ZBTB20: variants seen among roughly 807,000 people sequenced by gnomAD.
ZBTB20 encodes zinc finger and BTB domain containing 20.
Under a neutral mutation model 56.9 loss-of-function variants are expected in ZBTB20, and 9 were observed. The ratio of observed to expected loss-of-function variants is 0.16; its 90% CI spans 0.10 to 0.28. The LOEUF (loss-of-function observed/expected upper bound fraction) is 0.28, where lower values mean the gene tolerates loss of function less well. Among genes scored for constraint, ZBTB20 ranks in the 10% least tolerant of loss-of-function variants. The pLI is 1.00. For synonymous variants in ZBTB20, 417 were observed against 420.7 expected (o/e 0.99, Z 0.11); for missense variants, 655 against 1,003.0 (o/e 0.65, Z 4.69).
chr3:114,676,275 T>A (rs903007062), intron 6 of ZBTB20, among the ~76,000 whole-genome samples: 4 of 152,226 alleles, frequency 2.6e-5, no homozygotes, highest in African/African-American at 4.8e-5. Context: ...CTCTGGAGTC[T>A]AATATGAGGG....
intron 7 of ZBTB20, among the ~76,000 whole-genome samples, chr3:114,394,266 C>A (rs770175618): frequency 6.6e-6 from 1 of 152,124 alleles, no homozygotes; most frequent in African/African-American, 2.4e-5. Flanking sequence ...CGTAACAGGT[C>A]GAAGTTTAGA....
intron 7 of ZBTB20, among the ~76,000 whole-genome samples, chr3:114,428,452 G>A (rs1426948100): frequency 6.6e-6 from 1 of 152,226 alleles, no homozygotes; most frequent in Non-Finnish European, 1.5e-5. Flanking sequence ...AAGAGGAAGT[G>A]CCCTGAAGGG....
chr3:114,632,455 T>C (rs1369946535), intron 6 of ZBTB20, among the ~76,000 whole-genome samples: 2 of 152,190 alleles, frequency 1.3e-5, no homozygotes, highest in African/African-American at 4.8e-5. Context: ...TTTATTTTAG[T>C]TTGCCCTTCT....
intron 1 of ZBTB20, among the ~76,000 whole-genome samples, chr3:115,144,510 A>C (rs903080128): frequency 3.9e-5 from 6 of 152,174 alleles, no homozygotes; most frequent in African/African-American, 1.4e-4. Context: ...GGCCTCAAAA[A>C]CTTTCTGATC....
At chr3:114,554,734 C>G (rs1315132668) in intron 6 of ZBTB20, among the ~76,000 whole-genome samples, 2 of 152,068 alleles carry the variant, frequency 1.3e-5, no homozygotes, top group African/African-American at 4.8e-5. Flanking sequence ...AGTTTGCTTA[C>G]ATATAAATTA....
chr3:115,103,641 C>T (rs569835827), intron 1 of ZBTB20, among the ~76,000 whole-genome samples: 2 of 152,278 alleles, frequency 1.3e-5, no homozygotes, highest in South Asian at 2.1e-4. Context: ...AACGACTGGA[C>T]GTCTACATGC....
At chr3:114,498,692 C>T (rs2043576909) in intron 7 of ZBTB20, among the ~76,000 whole-genome samples, 1 of 152,194 alleles carries the variant, frequency 6.6e-6, no homozygotes, top group African/African-American at 2.4e-5. Flanking sequence ...CTCCCCCAGC[C>T]TTATGTGTGG....
chr3:114,510,382 C>T (rs529457475), intron 6 of ZBTB20, among the ~76,000 whole-genome samples: 23 of 152,192 alleles, frequency 1.5e-4, no homozygotes, highest in African/African-American at 5.3e-4. Context: ...TCTGAAGGTT[C>T]ATGGGCTTTC....
chr3:115,047,632 C>A (rs1420969647), intron 2 of ZBTB20, among the ~76,000 whole-genome samples: 2 of 152,028 alleles, frequency 1.3e-5, no homozygotes, highest in African/African-American at 4.8e-5. Flanking sequence ...ATGAATAATG[C>A]AAAATTTAAT....
At chr3:115,065,600 C>T (rs1051444768) in intron 2 of ZBTB20, among the ~76,000 whole-genome samples, 3 of 152,140 alleles carry the variant, frequency 2.0e-5, no homozygotes, top group African/African-American at 4.8e-5. Context: ...CGAAGTTTAA[C>T]TGGAAGTCTG....
At chr3:114,702,839 A>C (rs1560146491) in intron 5 of ZBTB20, among the ~76,000 whole-genome samples, 1 of 152,234 alleles carries the variant, frequency 6.6e-6, no homozygotes, top group Non-Finnish European at 1.5e-5. Context: ...TCAGGTAAAT[A>C]ACAGAATTTA....
At chr3:114,749,115 A>T (rs898685915) in intron 5 of ZBTB20, among the ~76,000 whole-genome samples, 3 of 152,320 alleles carry the variant, frequency 2.0e-5, no homozygotes, top group Non-Finnish European at 4.4e-5. Context: ...TGACAATAAC[A>T]TGTCCTCCAA....
At chr3:114,534,872 A>C (rs183993567) in intron 6 of ZBTB20, among the ~76,000 whole-genome samples, 81 of 152,310 alleles carry the variant, frequency 5.3e-4, no homozygotes, top group African/African-American at 1.9e-3. Flanking sequence ...AAACTGAACA[A>C]CCTGCTCCTG....
chr3:114,419,381 T>C (rs1351688223), intron 7 of ZBTB20, among the ~76,000 whole-genome samples: 1 of 151,996 alleles, frequency 6.6e-6, no homozygotes, highest in Non-Finnish European at 1.5e-5. Flanking sequence ...GCAAAATGGG[T>C]TTCAGAACAG....
At chr3:114,961,133 A>G (rs575187173) in intron 3 of ZBTB20, among the ~76,000 whole-genome samples, 72 of 151,706 alleles carry the variant, frequency 4.7e-4, no homozygotes, top group African/African-American at 1.6e-3. Flanking sequence ...AAAATACATG[A>G]TAACTGGTCA....
In ZBTB20 at chr3:114,497,820, T is replaced by C. The variant is rs540366545; in HGVS notation, c.-255+2532A>G. The stretch of plus-strand genomic sequence containing the variant: ...AAATGTTTGTTGAATGAAAACTAAA[T>C]AAAGAGCTGTACATGATAATTAATC... On this transcript the variant is annotated intron_variant, in intron 7 of 11. Transcript: ENST00000675478. 2.6e-5 allele frequency among the ~76,000 whole-genome samples: 4 copies of C among 152,316 alleles called. No individual in the cohort carries two copies. The South Asian group carries it at 8.3e-4, about 32-fold the overall frequency.
At chr3:114,806,302 T>TC (rs2072099329) in intron 4 of ZBTB20, among the ~76,000 whole-genome samples, 1 of 151,900 alleles carries the variant, frequency 6.6e-6, no homozygotes, top group Non-Finnish European at 1.5e-5. Flanking sequence ...TGAAGTAGTC[T>TC]TTTACGGTTT....
intron 2 of ZBTB20, among the ~76,000 whole-genome samples, chr3:115,020,994 C>G (rs182671598): frequency 2.3e-4 from 35 of 151,068 alleles, no homozygotes; most frequent in Non-Finnish European, 8.9e-5. Context: ...TAAATTTTTA[C>G]AGGCTGTTAG....
intron 6 of ZBTB20, among the ~76,000 whole-genome samples, chr3:114,509,028 T>C (rs890192863): frequency 1.3e-5 from 2 of 152,168 alleles, no homozygotes; most frequent in East Asian, 1.9e-4. Context: ...TGCTTCATAA[T>C]GAATGGAACA....
Sources: gnomAD v4.1 joint callset for allele counts (sites outside exome capture counted in the v4.1 genomes callset) on GRCh38, gnomAD v4.1.1 for gene constraint, MANE v1.5 for transcripts, NCBI Gene and HGNC (gene_info 2026-07-23, HGNC 2026-07-21) for gene names.